SLC27A6: variants seen among roughly 807,000 people sequenced by gnomAD.
SLC27A6 encodes the protein solute carrier family 27 member 6.
In SLC27A6, 74 loss-of-function variants were observed where a neutral mutation model predicts 63.9. That is an observed-to-expected ratio of 1.16 (90% CI 0.96 to 1.40). SLC27A6 has a LOEUF of 1.40. Among genes scored for constraint, SLC27A6 ranks in the 40% most tolerant of loss-of-function variants. The pLI, the probability that SLC27A6 is intolerant of heterozygous loss-of-function variation, is 0.00. For synonymous variants in SLC27A6, 287 were observed against 260.8 expected (o/e 1.10, Z -0.97); for missense variants, 794 against 732.9 (o/e 1.08, Z -0.96).
intron 1 of SLC27A6, among the ~76,000 whole-genome samples, chr5:128,981,784 A>C (rs1005786761): frequency 4.6e-5 from 7 of 150,710 alleles, no homozygotes; most frequent in African/African-American, 1.5e-4. Flanking sequence ...CTGTTAAAGG[A>C]CATGAAAAGA....
At chr5:129,004,634 A>C (rs1474466606) in intron 4 of SLC27A6, among the ~76,000 whole-genome samples, 1 of 152,240 alleles carries the variant, frequency 6.6e-6, no homozygotes, top group Non-Finnish European at 1.5e-5. Context: ...TATCTCAAGA[A>C]GAATAAAAAG....
intron 5 of SLC27A6, among the ~76,000 whole-genome samples, chr5:129,018,067 T>G (rs535145743): frequency 6.6e-6 from 1 of 152,236 alleles, no homozygotes; most frequent in Admixed American, 6.5e-5. Flanking sequence ...TCCTCAGGTG[T>G]GTTTCCTTAG....
chr5:128,998,010 T>G (rs1360680866), intron 4 of SLC27A6, among the ~76,000 whole-genome samples: 2 of 151,462 alleles, frequency 1.3e-5, no homozygotes, highest in Non-Finnish European at 2.9e-5. Flanking sequence ...TTGAATGCAG[T>G]GACTCATGCC....
At chr5:128,977,830 G>A (rs527282830) in intron 1 of SLC27A6, among the ~76,000 whole-genome samples, 6 of 152,284 alleles carry the variant, frequency 3.9e-5, no homozygotes, top group Admixed American at 2.6e-4. Context: ...GACTAAACAT[G>A]CCAAAGGATA....
chr5:129,020,132 A>G (rs1752026884), intron 5 of SLC27A6, among the ~76,000 whole-genome samples: 1 of 152,140 alleles, frequency 6.6e-6, no homozygotes, highest in African/African-American at 2.4e-5. Flanking sequence ...AAAATAAAAC[A>G]CTCAAGGCTA....
chr5:128,988,136 G>A (rs1174066627), intron 2 of SLC27A6, among the ~76,000 whole-genome samples: 1 of 152,130 alleles, frequency 6.6e-6, no homozygotes, highest in Non-Finnish European at 1.5e-5. Context: ...ATAGAGCAAT[G>A]CCTTCAAAGT....
Position 129,003,696 on chromosome 5 carries a change from G to A in SLC27A6, c.970-12189G>A, listed in dbSNP as rs556966500. 7.4e-4 allele frequency among the ~76,000 whole-genome samples: 113 copies of A among 152,164 alleles called. 1 individual carries two copies. The highest frequency in any genetic ancestry group is 1.4e-3 in the Non-Finnish European group (92 of 68,016). ...TACAAAAGTAAAAAATTAGGTAGGC[G>A]TGGTGACACATGTCTGTAGTCCCAG... On this transcript the variant is annotated intron_variant, in intron 4 of 9. Coordinates refer to ENST00000262462, the MANE Select transcript of SLC27A6 (RefSeq NM_001017372.3).
At position 128,966,179 on chromosome 5, in the gene SLC27A6, C is replaced by T. The variant is rs1749881641; in HGVS notation, c.42C>T (p.Val14=). 5.1e-6 allele frequency: 8 copies of T among 1,580,312 alleles called. No individual in the cohort carries two copies. Among genetic ancestry groups the T allele is most frequent in the East Asian group, 2.2e-5 (1 of 44,820 alleles). ...TAACAGTTCTAGGGGCTGGAATGGT[C>T]GTCCTGCACTTCTTGCAGAAACTCC... The part of the protein sequence containing the change: ...SWLTVLGAGM[V]VLHFLQKLLF... Residue 14 remains valine (V), a synonymous_variant, in exon 1 of 10, where the codon GTC becomes GTT. Coordinates refer to ENST00000262462, the MANE Select transcript of SLC27A6 (RefSeq NM_001017372.3).
chr5:128,970,166 C>T (rs1418817919), intron 1 of SLC27A6, among the ~76,000 whole-genome samples: 3 of 150,414 alleles, frequency 2.0e-5, no homozygotes, highest in Admixed American at 6.6e-5. Context: ...TTTGGTTTGC[C>T]AGTATTTTAT....
At chr5:129,011,897 C>T (rs1751739725) in intron 4 of SLC27A6, among the ~76,000 whole-genome samples, 1 of 152,060 alleles carries the variant, frequency 6.6e-6, no homozygotes, top group African/African-American at 2.4e-5. Context: ...TAAATTTTCT[C>T]TGTGACCCAA....
intron 8 of SLC27A6, 111 bp from the exon 9 acceptor site, chr5:129,029,466 T>C: frequency 1.5e-6 from 1 of 686,840 alleles, no homozygotes; most frequent in Admixed American, 3.2e-5. Context: ...GTTGTCTTAT[T>C]ATTACTGAAA....
At chr5:128,998,310 A>G (rs182440889) in intron 4 of SLC27A6, among the ~76,000 whole-genome samples, 5 of 152,118 alleles carry the variant, frequency 3.3e-5, no homozygotes, top group African/African-American at 1.2e-4. Flanking sequence ...AAAAAAAGTA[A>G]TATTTTACAT....
At chr5:129,000,364 C>T (rs964031236) in intron 4 of SLC27A6, among the ~76,000 whole-genome samples, 2 of 152,070 alleles carry the variant, frequency 1.3e-5, no homozygotes, top group Admixed American at 6.6e-5. Context: ...TAGAATGGTG[C>T]CTGACACATA....
chr5:129,010,783 G>C (rs982628771), intron 4 of SLC27A6, among the ~76,000 whole-genome samples: 1 of 152,010 alleles, frequency 6.6e-6, no homozygotes, highest in African/African-American at 2.4e-5. Flanking sequence ...ATTCTGTCAA[G>C]AACCTGCATG....
chr5:129,008,615 C>A (rs1751624850), intron 4 of SLC27A6, among the ~76,000 whole-genome samples: 1 of 152,138 alleles, frequency 6.6e-6, no homozygotes, highest in Admixed American at 6.5e-5. Flanking sequence ...GTGGAAAATC[C>A]AAGAGCTAGT....
rs145181442 is a variant in SLC27A6, at chr5:129,019,056, G to A, written c.1164+2977G>A. ...ATGGAGGCTCATGCTTATTATCTGG[G>A]AGGGAAGCAGCCTCCAGAGATAAAA... On this transcript the variant is annotated intron_variant, in intron 5 of 9. Coordinates refer to ENST00000262462, the MANE Select transcript of SLC27A6 (RefSeq NM_001017372.3). Among the ~76,000 whole-genome samples the A allele has an allele frequency of 3.4e-4, 52 of 152,196 alleles. 1 individual carries two copies. Among genetic ancestry groups the A allele is most frequent in the African/African-American group, 1.2e-3 (50 of 41,576 alleles).
chr5:129,018,604 T>G (rs1410695895), intron 5 of SLC27A6, among the ~76,000 whole-genome samples: 1 of 152,150 alleles, frequency 6.6e-6, no homozygotes, highest in African/African-American at 2.4e-5. Context: ...CAGTTAATTT[T>G]CTCAGTTAAT....
rs567641003 is a variant in SLC27A6 at position 128,966,038 on chromosome 5, G to A, written c.-100G>A. ...GACAAGAACTTCAGGTGTAAGCCCTGAGTAGTGAGGATCTGCGGTCTCCGT... is the reference window on the plus strand; with the variant it reads ...GACAAGAACTTCAGGTGTAAGCCCTAAGTAGTGAGGATCTGCGGTCTCCGT... On this transcript the variant is annotated 5_prime_UTR_variant, in exon 1 of 10. Transcript: ENST00000262462. The A allele has an allele frequency of 1.4e-3, 1,902 of 1,408,238 alleles. 4 individuals are homozygous for A. Among genetic ancestry groups the A allele is most frequent in the Middle Eastern group, 3.2e-3 (12 of 3,760 alleles). 87.2% of individuals were successfully genotyped at this position (1,408,238 alleles called of 1,614,324 possible).
rs1042523941 is a variant in SLC27A6, at chr5:128,999,723, C to G, written c.969+9259C>G. 1.2e-4 allele frequency among the ~76,000 whole-genome samples: 18 copies of G among 152,232 alleles called. 1 individual carries two copies. The highest frequency in any genetic ancestry group is 4.3e-4 in the African/African-American group (18 of 41,560). The stretch of plus-strand genomic sequence containing the variant: ...CTTTCCTCCCTTGGACTGTTCCCCC[C>G]CTGGATATTGTATAGCTCACTCCCT... On this transcript the variant is annotated intron_variant, in intron 4 of 9. Coordinates refer to ENST00000262462, the MANE Select transcript of SLC27A6 (RefSeq NM_001017372.3).
Sources: allele counts gnomAD v4.1 joint callset (sites outside exome capture counted in the v4.1 genomes callset), GRCh38; gene constraint gnomAD v4.1.1; transcripts MANE v1.5; gene names NCBI Gene and HGNC (gene_info 2026-07-23, HGNC 2026-07-21).